The following ATP2B2 variants were observed in gnomAD, a reference collection of about 807,000 sequenced individuals.
The protein encoded by ATP2B2 is plasma membrane calcium-transporting ATPase 2.
A neutral mutation model predicts 120.0 loss-of-function variants in ATP2B2; 15 were observed. That is an observed-to-expected ratio of 0.12 (90% CI 0.08 to 0.19). The LOEUF (loss-of-function observed/expected upper bound fraction) is 0.19, where lower values mean the gene tolerates loss of function less well. Ranked by LOEUF, ATP2B2 falls within the 10% of genes least tolerant of loss-of-function variation. ATP2B2 has a pLI of 1.00. For missense variants in ATP2B2, 1,045 were observed against 1,719.8 expected (o/e 0.61, Z 6.94); for synonymous variants, 694 against 700.3 (o/e 0.99, Z 0.14).
intron 1 of ATP2B2, among the ~76,000 whole-genome samples, chr3:10,691,200 C>G (rs2071655918): frequency 6.6e-6 from 1 of 152,202 alleles, no homozygotes; most frequent in South Asian, 2.1e-4. Context: ...CTTGGAGCCT[C>G]AGGGGTCTTG....
rs1016805043 is a variant in ATP2B2 at position 10,328,739 on chromosome 3, T to C, written c.*75A>G. On this transcript the variant is annotated 3_prime_UTR_variant, in exon 23 of 23. Coordinates refer to ENST00000360273, the MANE Select transcript of ATP2B2 (RefSeq NM_001001331.4). The stretch of plus-strand genomic sequence containing the variant: ...TTGCTGCTTGGGTGAGTTGGGTGCC[T>C]GGATGGATGGGTGCCCGGAAAGCGG... 3.5e-5 allele frequency: 51 copies of C among 1,475,546 alleles called. No homozygotes were observed. Among genetic ancestry groups the C allele is most frequent in the Non-Finnish European group, 4.1e-5 (45 of 1,091,330 alleles). 91.4% of individuals were successfully genotyped at this position (1,475,546 alleles called of 1,614,324 possible). A position where few individuals can be genotyped will look rare whatever the true frequency, so the allele number is the denominator to read the frequency against.
intron 1 of ATP2B2, among the ~76,000 whole-genome samples, chr3:10,706,702 A>G (rs1559528756): frequency 6.6e-6 from 1 of 152,144 alleles, no homozygotes; most frequent in South Asian, 2.1e-4. Flanking sequence ...AAGCATGGGC[A>G]TAACAGTGAG....
At chr3:10,362,851 CATATATATACATATACATAT>C (rs2060940903) in intron 12 of ATP2B2, among the ~76,000 whole-genome samples, 1 of 152,094 alleles carries the variant, frequency 6.6e-6, no homozygotes, top group Admixed American at 6.5e-5. Flanking sequence ...GTGTGCTATA[CATATATATACATATACATAT>C]ATATATATAT....
intron 2 of ATP2B2, among the ~76,000 whole-genome samples, chr3:10,585,329 A>T (rs944692482): frequency 8.1e-6 from 1 of 123,236 alleles, no homozygotes; most frequent in African/African-American, 3.1e-5. Flanking sequence ...CCCCATCTCT[A>T]CTAAAAATAC....
intron 1 of ATP2B2, among the ~76,000 whole-genome samples, chr3:10,461,229 T>C (rs1228686840): frequency 6.6e-6 from 1 of 152,216 alleles, no homozygotes; most frequent in East Asian, 1.9e-4. Flanking sequence ...GGCCAGACAC[T>C]GTTCTACTTC....
chr3:10,365,693 T>C (rs908181428), intron 12 of ATP2B2, among the ~76,000 whole-genome samples: 1 of 148,218 alleles, frequency 6.7e-6, no homozygotes, highest in African/African-American at 2.5e-5. Context: ...TATGATGTGT[T>C]TGGTCTGTGT....
intron 3 of ATP2B2, among the ~76,000 whole-genome samples, chr3:10,408,637 C>G (rs2062500662): frequency 6.6e-6 from 1 of 152,208 alleles, no homozygotes; most frequent in South Asian, 2.1e-4. Flanking sequence ...GCCCTACAGT[C>G]TAACGTAGCT....
chr3:10,468,308 C>G (rs976738772), intron 1 of ATP2B2, among the ~76,000 whole-genome samples: 8 of 152,240 alleles, frequency 5.3e-5, no homozygotes, highest in African/African-American at 1.9e-4. Flanking sequence ...GGGGCCATGG[C>G]TGGCCCAGCG....
At chr3:10,690,158 G>C (rs1345879281) in intron 1 of ATP2B2, among the ~76,000 whole-genome samples, 1 of 152,246 alleles carries the variant, frequency 6.6e-6, no homozygotes, top group Non-Finnish European at 1.5e-5. Flanking sequence ...AGGGCAAAGA[G>C]AAAGCCACAG....
chr3:10,465,629 T>C (rs1178194921), intron 1 of ATP2B2, among the ~76,000 whole-genome samples: 1 of 152,240 alleles, frequency 6.6e-6, no homozygotes, highest in Non-Finnish European at 1.5e-5. Context: ...AGGATCTTTC[T>C]CCAGCCCACC....
chr3:10,523,633 A>G (rs2067029108), intron 3 of ATP2B2, among the ~76,000 whole-genome samples: 1 of 152,222 alleles, frequency 6.6e-6, no homozygotes, highest in African/African-American at 2.4e-5. Context: ...GTGTCTGGCT[A>G]ACCTAAATCA....
At chr3:10,701,491 T>C (rs1289404383) in intron 1 of ATP2B2, among the ~76,000 whole-genome samples, 3 of 152,158 alleles carry the variant, frequency 2.0e-5, no homozygotes, top group East Asian at 1.9e-4. Context: ...TCCTAGAGAG[T>C]TGTTTTCATT....
chr3:10,642,003 TCCACC>T (rs2070186616), intron 1 of ATP2B2, among the ~76,000 whole-genome samples: 1 of 11,032 alleles, frequency 9.1e-5, no homozygotes, highest in East Asian at 3.3e-3. Flanking sequence ...CATCCACCCA[TCCACC>T]CATCCACCCA....
intron 2 of ATP2B2, among the ~76,000 whole-genome samples, chr3:10,565,352 C>G (rs1036224329): frequency 3.3e-5 from 5 of 152,128 alleles, no homozygotes; most frequent in East Asian, 3.9e-4. Context: ...CCGGGTTTCC[C>G]TAGACCTCTG....
chr3:10,464,233 A>G (rs2064632140), intron 1 of ATP2B2, among the ~76,000 whole-genome samples: 2 of 152,058 alleles, frequency 1.3e-5, no homozygotes, highest in African/African-American at 4.8e-5. Flanking sequence ...TCCCCAGCGC[A>G]GCCGAGTCCT....
chr3:10,358,234 C>T (rs934893405), intron 14 of ATP2B2, among the ~76,000 whole-genome samples: 1 of 152,220 alleles, frequency 6.6e-6, no homozygotes. Context: ...CTGACAGGGA[C>T]ACCACACTTC....
In ATP2B2 at chr3:10,360,013, C is replaced by G; in HGVS notation, c.1770G>C (p.Gln590His). 2 of 1,614,226 alleles carry G rather than the reference C, an allele frequency of 1.2e-6. No individual in the cohort carries two copies. The highest frequency in any genetic ancestry group is 1.1e-5 in the South Asian group (1 of 91,090). ...LKQDYEPVRS[Q>H]MPEEKLYKVY... ...CTTTGTACAACTTCTCCTCTGGCAT[C>G]TGGCTGCGCACGGGCTCGTAGTCCT... is the stretch of plus-strand genomic sequence containing the variant. The change falls in exon 13 of 23, where the codon CAG (glutamine) becomes CAC (histidine). Residue 590 changes from glutamine (Q) to histidine (H), a missense_variant. By Grantham distance (24) the Gln-to-His change is conservative. Coordinates refer to ENST00000360273, the MANE Select transcript of ATP2B2 (RefSeq NM_001001331.4).
chr3:10,516,563 C>G (rs2066880251), intron 3 of ATP2B2, among the ~76,000 whole-genome samples: 2 of 152,210 alleles, frequency 1.3e-5, no homozygotes, highest in African/African-American at 4.8e-5. Flanking sequence ...ACATCCATTG[C>G]CACTCCTCTG....
chr3:10,690,708 T>C (rs1301091120), intron 1 of ATP2B2, among the ~76,000 whole-genome samples: 1 of 152,044 alleles, frequency 6.6e-6, no homozygotes, highest in East Asian at 1.9e-4. Flanking sequence ...CAGGGCTGTG[T>C]GGAGAAGAAA....
Sources: allele counts gnomAD v4.1 joint callset (sites outside exome capture counted in the v4.1 genomes callset), GRCh38; gene constraint gnomAD v4.1.1; transcripts MANE v1.5; gene names NCBI Gene and HGNC (gene_info 2026-07-23, HGNC 2026-07-21).